The following STK32C variants were observed in gnomAD, a reference collection of about 807,000 sequenced individuals.
STK32C encodes the protein serine/threonine-protein kinase 32C.
In STK32C, 31 loss-of-function variants were observed where a neutral mutation model predicts 56.5. The observed-to-expected ratio is 0.55, with a 90% CI of 0.41 to 0.74. The LOEUF (loss-of-function observed/expected upper bound fraction) is 0.74, where lower values mean the gene tolerates loss of function less well. STK32C is among the 30% of genes least tolerant of loss of function. The pLI, the probability that STK32C is intolerant of heterozygous loss-of-function variation, is 0.00. For synonymous variants in STK32C, 309 were observed against 289.4 expected (o/e 1.07, Z -0.69); for missense variants, 544 against 676.9 (o/e 0.80, Z 2.18).
chr10:132,262,362 C>A (rs1321981843), intron 1 of STK32C, among the ~76,000 whole-genome samples: 2 of 152,198 alleles, frequency 1.3e-5, no homozygotes, highest in Non-Finnish European at 2.9e-5. Context: ...AAACACCCTT[C>A]TTGACACCAG....
chr10:132,278,164 C>T (rs948020143), intron 1 of STK32C, among the ~76,000 whole-genome samples: 3 of 152,150 alleles, frequency 2.0e-5, no homozygotes, highest in South Asian at 2.1e-4. Context: ...TCCACCATCA[C>T]TCTGTGGGGT....
intron 1 of STK32C, among the ~76,000 whole-genome samples, chr10:132,288,959 T>C (rs576310692): frequency 7.9e-5 from 12 of 152,224 alleles, no homozygotes; most frequent in Admixed American, 1.3e-4. Flanking sequence ...CAAGTTTATA[T>C]TCAAAATTCA....
chr10:132,298,367 T>C (rs1268697309), intron 1 of STK32C, among the ~76,000 whole-genome samples: 1 of 152,208 alleles, frequency 6.6e-6, no homozygotes, highest in Non-Finnish European at 1.5e-5. Flanking sequence ...CAGGAATTCC[T>C]CCTGCCCCAA....
intron 1 of STK32C, among the ~76,000 whole-genome samples, chr10:132,268,518 T>C (rs1225183403): frequency 1.4e-5 from 2 of 147,224 alleles, no homozygotes; most frequent in Non-Finnish European, 3.0e-5. Flanking sequence ...GGTGCAGCTG[T>C]GCCTGTGTGC....
intron 1 of STK32C, among the ~76,000 whole-genome samples, chr10:132,264,079 G>A (rs975843649): frequency 6.6e-6 from 1 of 152,104 alleles, no homozygotes; most frequent in African/African-American, 2.4e-5. Flanking sequence ...AGGAGCTGGG[G>A]CAGGCGGTGG....
chr10:132,255,405 A>T lies in STK32C; in HGVS notation c.263-9450T>A, dbSNP rs1208033065. Among the ~76,000 whole-genome samples, 3 of 152,184 alleles carry T rather than the reference A, an allele frequency of 2.0e-5. No individual in the cohort carries two copies. Among genetic ancestry groups the T allele is most frequent in the African/African-American group, 7.2e-5 (3 of 41,456 alleles). On this transcript the variant is annotated intron_variant, in intron 1 of 11. Transcript: ENST00000298630. The surrounding 1 kb of genome is among the most constrained non-coding windows in gnomAD (Gnocchi z 4.6). ...ACAGGAACCACAGGAGTCACCAGAC[A>T]TCACCTCACAGACCCCTCACCCTCT...
intron 10 of STK32C, among the ~76,000 whole-genome samples, chr10:132,220,183 C>T (rs1420775105): frequency 1.3e-5 from 2 of 152,228 alleles, no homozygotes; most frequent in South Asian, 2.1e-4. Flanking sequence ...GCCCTAAATC[C>T]AATGCCTGGT....
chr10:132,297,142 G>A (rs151215444), intron 1 of STK32C, among the ~76,000 whole-genome samples: 131 of 152,264 alleles, frequency 8.6e-4, no homozygotes, highest in South Asian at 2.3e-3. Context: ...TCCTTCCTGC[G>A]CCTCTGGCTG....
At chr10:132,313,591 C>A (rs7067965) in intron 1 of STK32C, among the ~76,000 whole-genome samples, 122 of 152,380 alleles carry the variant, frequency 8.0e-4, no homozygotes, top group African/African-American at 2.8e-3. Context: ...ATGAGGGACA[C>A]CCCCTCGAGG....
At chr10:132,289,899 C>T (rs2065514376) in intron 1 of STK32C, among the ~76,000 whole-genome samples, 1 of 152,212 alleles carries the variant, frequency 6.6e-6, no homozygotes, top group Admixed American at 6.5e-5. Flanking sequence ...GTTCAATAAG[C>T]ACATGAAAGA....
intron 1 of STK32C, among the ~76,000 whole-genome samples, chr10:132,253,661 G>C (rs1422219355): frequency 6.6e-6 from 1 of 151,964 alleles, no homozygotes; most frequent in Non-Finnish European, 1.5e-5. Flanking sequence ...GAGAGAGCTA[G>C]AGGGAGTCCA....
intron 1 of STK32C, among the ~76,000 whole-genome samples, chr10:132,297,006 C>T (rs1248292212): frequency 6.6e-6 from 1 of 152,224 alleles, no homozygotes; most frequent in African/African-American, 2.4e-5. Flanking sequence ...GAGGCCAAGG[C>T]CTGGGCACAG....
intron 10 of STK32C, among the ~76,000 whole-genome samples, chr10:132,218,652 C>T (rs748598571): frequency 1.9e-4 from 29 of 152,184 alleles, no homozygotes; most frequent in Non-Finnish European, 3.4e-4. Flanking sequence ...TTCCTCCAAA[C>T]ATGAAGCACA....
chr10:132,285,929 C>T (rs1025595489), intron 1 of STK32C, among the ~76,000 whole-genome samples: 1 of 152,074 alleles, frequency 6.6e-6, no homozygotes, highest in Non-Finnish European at 1.5e-5. Flanking sequence ...AGATGACCAT[C>T]CTGGCTAACA....
At chr10:132,237,687 C>T (rs983087718) in intron 2 of STK32C, among the ~76,000 whole-genome samples, 4 of 151,812 alleles carry the variant, frequency 2.6e-5, no homozygotes, top group East Asian at 1.9e-4. Context: ...CCTCTGCCCC[C>T]AAGTGCAGCT....
At chr10:132,267,532 T>C in intron 1 of STK32C, among the ~76,000 whole-genome samples, 1 of 151,456 alleles carries the variant, frequency 6.6e-6, no homozygotes, top group Non-Finnish European at 1.5e-5. Context: ...TGTGTGTGCA[T>C]GCATGTTCAG....
At chr10:132,271,068 C>T (rs2138156363) in intron 1 of STK32C, among the ~76,000 whole-genome samples, 1 of 152,216 alleles carries the variant, frequency 6.6e-6, no homozygotes, top group South Asian at 2.1e-4. Flanking sequence ...GAGGGTGGCA[C>T]CCCCAAAGTG....
intron 3 of STK32C, 129 bp downstream of exon 3, chr10:132,227,848 G>A (rs1174033352): frequency 1.3e-5 from 15 of 1,171,150 alleles, no homozygotes; most frequent in Non-Finnish European, 1.8e-5. Flanking sequence ...GGCTAGAGAG[G>A]GCCTGTGGGT....
intron 1 of STK32C, among the ~76,000 whole-genome samples, chr10:132,316,994 C>G (rs183343914): frequency 0.015 from 2,088 of 139,792 alleles, 40 homozygotes; most frequent in South Asian, 0.046. Context: ...GAGTGAGACT[C>G]CATCTCAAAA....
Sources: gnomAD v4.1 joint callset for allele counts (sites outside exome capture counted in the v4.1 genomes callset) on GRCh38, gnomAD v4.1.1 for gene constraint, Gnocchi (gnomAD v3.1) non-coding constraint, MANE v1.5 for transcripts, NCBI Gene and HGNC (gene_info 2026-07-23, HGNC 2026-07-21) for gene names.